CDH13: variants seen among roughly 807,000 people sequenced by gnomAD.
CDH13 encodes the protein cadherin-13.
A neutral mutation model predicts 63.8 loss-of-function variants in CDH13; 24 were observed. The observed-to-expected ratio is 0.38, with a 90% CI of 0.27 to 0.53. The LOEUF (loss-of-function observed/expected upper bound fraction) is 0.53, where lower values mean the gene tolerates loss of function less well. Among genes scored for constraint, CDH13 ranks in the 20% least tolerant of loss-of-function variants. CDH13 has a pLI of 0.85. For missense variants in CDH13, 1,049 were observed against 903.1 expected, an observed-to-expected ratio of 1.16 and a Z score of -2.07; for synonymous variants, 503 against 355.3, an observed-to-expected ratio of 1.42 and a Z score of -4.67.
At chr16:83,098,617 A>G (rs1301108440) in intron 3 of CDH13, among the ~76,000 whole-genome samples, 1 of 152,144 alleles carries the variant, frequency 6.6e-6, no homozygotes, top group African/African-American at 2.4e-5. Context: ...AGATATCTTC[A>G]CTGGATACAG....
chr16:83,792,928 A>T (rs1916369920), intron 13 of CDH13, among the ~76,000 whole-genome samples: 1 of 152,212 alleles, frequency 6.6e-6, no homozygotes, highest in Non-Finnish European at 1.5e-5. Context: ...AATGAAACCT[A>T]ATCATGGTAA....
intron 4 of CDH13, among the ~76,000 whole-genome samples, chr16:83,175,184 T>C (rs1287342271): frequency 6.6e-6 from 1 of 152,154 alleles, no homozygotes; most frequent in East Asian, 1.9e-4. Context: ...AGATGCTTTA[T>C]TCTCAAACAT....
intron 6 of CDH13, among the ~76,000 whole-genome samples, chr16:83,419,774 C>A (rs1187188730): frequency 2.0e-5 from 3 of 152,178 alleles, no homozygotes; most frequent in Non-Finnish European, 2.9e-5. Context: ...TTATAAAATG[C>A]ATTTTTCTCT....
At chr16:83,111,579 A>T (rs919280927) in intron 3 of CDH13, among the ~76,000 whole-genome samples, 1 of 152,214 alleles carries the variant, frequency 6.6e-6, no homozygotes, top group Non-Finnish European at 1.5e-5. Context: ...TAGGACAATC[A>T]GAGTCTCCAC....
At chr16:82,784,281 G>A (rs148976199) in intron 1 of CDH13, among the ~76,000 whole-genome samples, 14 of 152,286 alleles carry the variant, frequency 9.2e-5, no homozygotes, top group African/African-American at 3.1e-4. Flanking sequence ...ATCCCTGTCG[G>A]CCAGAATGCA....
chr16:83,466,249 A>G (rs935719263), intron 6 of CDH13, among the ~76,000 whole-genome samples: 1 of 152,208 alleles, frequency 6.6e-6, no homozygotes, highest in Non-Finnish European at 1.5e-5. Flanking sequence ...GCCAAACCCT[A>G]TTAACCTCAG....
At chr16:83,354,841 G>C (rs780435474) in intron 6 of CDH13, among the ~76,000 whole-genome samples, 6 of 152,230 alleles carry the variant, frequency 3.9e-5, no homozygotes, top group Non-Finnish European at 7.3e-5. Context: ...CTCTCTGCCT[G>C]TTGTTTTTTA....
chr16:83,340,585 C>T (rs2090699785), intron 5 of CDH13, among the ~76,000 whole-genome samples: 1 of 152,144 alleles, frequency 6.6e-6, no homozygotes, highest in Non-Finnish European at 1.5e-5. Flanking sequence ...CAGTAATGTG[C>T]ACCCGAATTC....
At position 82,810,353 on chromosome 16, in the gene CDH13, TGA is replaced by T. The variant is rs542608335; in HGVS notation, c.46-48005_46-48004del. Among the ~76,000 whole-genome samples, 23 of 152,142 alleles carry T rather than the reference TGA, an allele frequency of 1.5e-4. No homozygotes were observed. In the South Asian group the frequency reaches 4.4e-3, roughly 29 times the overall value. On this transcript the variant is annotated intron_variant, in intron 1 of 13. Coordinates refer to ENST00000567109, the MANE Select transcript of CDH13 (RefSeq NM_001257.5). ...ATGCCTGCCGAACAGAAGGAGGAGA[TGA>T]GAGGATCTGTCAGCCAGGGAGAGGT...
chr16:82,895,460 C>T (rs1357218134), intron 2 of CDH13, among the ~76,000 whole-genome samples: 1 of 152,072 alleles, frequency 6.6e-6, no homozygotes, highest in African/African-American at 2.4e-5. Context: ...AGTAAAGGCC[C>T]AGACTCACTG....
intron 1 of CDH13, among the ~76,000 whole-genome samples, chr16:82,797,640 C>T (rs1216237839): frequency 6.6e-6 from 1 of 152,000 alleles, no homozygotes; most frequent in South Asian, 2.1e-4. Context: ...TCTCATTTAC[C>T]TGTTTAGGAA....
intron 2 of CDH13, among the ~76,000 whole-genome samples, chr16:82,890,723 C>T (rs1388329206): frequency 2.0e-5 from 3 of 149,540 alleles, no homozygotes; most frequent in Non-Finnish European, 2.9e-5. Flanking sequence ...ATGATCTTGG[C>T]TCACTGCAAC....
intron 8 of CDH13, among the ~76,000 whole-genome samples, chr16:83,646,115 G>A (rs1911768234): frequency 6.6e-6 from 1 of 152,088 alleles, no homozygotes; most frequent in African/African-American, 2.4e-5. Flanking sequence ...GGGACCATAC[G>A]TGAAAGCCAC....
Position 83,407,246 on chromosome 16 carries a change from C to T in CDH13, c.781+62240C>T, listed in dbSNP as rs537715360. 1.6e-3 allele frequency among the ~76,000 whole-genome samples: 245 copies of T among 152,358 alleles called. 1 individual carries two copies. Among genetic ancestry groups the T allele is most frequent in the Non-Finnish European group, 3.0e-3 (205 of 68,028 alleles). On this transcript the variant is annotated intron_variant, in intron 6 of 13. Coordinates refer to ENST00000567109, the MANE Select transcript of CDH13 (RefSeq NM_001257.5). ...CCTGGAGGTATCAAGGCAAAGAAAA[C>T]ACAGTTTTTGCCTCCAGAGGCATAA...
intron 5 of CDH13, among the ~76,000 whole-genome samples, chr16:83,251,453 G>C (rs1343186356): frequency 1.3e-5 from 2 of 152,222 alleles, no homozygotes; most frequent in Non-Finnish European, 2.9e-5. Flanking sequence ...CAGCTGGTAA[G>C]TGGTGAGGCC....
intron 1 of CDH13, among the ~76,000 whole-genome samples, chr16:82,847,880 T>C (rs2039329032): frequency 7.1e-6 from 1 of 140,726 alleles, no homozygotes; most frequent in Non-Finnish European, 1.5e-5. Flanking sequence ...TGTTTTATTG[T>C]TTTCTTGTGC....
chr16:82,631,851 T>C (rs1449175489), intron 1 of CDH13, among the ~76,000 whole-genome samples: 1 of 152,148 alleles, frequency 6.6e-6, no homozygotes, highest in African/African-American at 2.4e-5. Flanking sequence ...GAGGTGAATG[T>C]GTCACCCTCT....
chr16:83,554,753 T>C (rs952289255), intron 7 of CDH13, among the ~76,000 whole-genome samples: 1 of 152,128 alleles, frequency 6.6e-6, no homozygotes, highest in Non-Finnish European at 1.5e-5. Context: ...CAGACTGATG[T>C]CACCCTTATT....
At chr16:82,985,227 T>G (rs1400822326) in intron 2 of CDH13, among the ~76,000 whole-genome samples, 1 of 152,330 alleles carries the variant, frequency 6.6e-6, no homozygotes, top group South Asian at 2.1e-4. Flanking sequence ...GTAGTGTCAG[T>G]ATCTCTGAGA....
Sources: gnomAD v4.1 joint callset for allele counts (sites outside exome capture counted in the v4.1 genomes callset) on GRCh38, gnomAD v4.1.1 for gene constraint, MANE v1.5 for transcripts, NCBI Gene and HGNC (gene_info 2026-07-23, HGNC 2026-07-21) for gene names.